LSAMP: variants seen among roughly 807,000 people sequenced by gnomAD.
LSAMP encodes limbic system-associated membrane protein.
A neutral mutation model predicts 38.6 loss-of-function variants in LSAMP; 7 were observed. That is an observed-to-expected ratio of 0.18 (90% confidence interval 0.10 to 0.34). LSAMP has a LOEUF of 0.34. LSAMP is among the 10% of genes least tolerant of loss of function. LSAMP has a pLI of 1.00. For missense variants in LSAMP, 313 were observed against 420.0 expected, an observed-to-expected ratio of 0.75 and a Z score of 2.23; for synonymous variants, 154 against 166.8, an observed-to-expected ratio of 0.92 and a Z score of 0.59.
chr3:116,396,870 G>C (rs1162055931), intron 1 of LSAMP, among the ~76,000 whole-genome samples: 1 of 152,126 alleles, frequency 6.6e-6, no homozygotes, highest in East Asian at 1.9e-4. Flanking sequence ...AAATACCTTG[G>C]ATTCATCTTT....
At chr3:115,964,497 A>T (rs1467671935) in intron 3 of LSAMP, among the ~76,000 whole-genome samples, 2 of 152,190 alleles carry the variant, frequency 1.3e-5, no homozygotes, top group Non-Finnish European at 2.9e-5. Context: ...ATGGTTCAAG[A>T]ATGCCCTCTA....
chr3:116,108,851 G>A (rs1708531683), intron 1 of LSAMP, among the ~76,000 whole-genome samples: 1 of 152,188 alleles, frequency 6.6e-6, no homozygotes, highest in Non-Finnish European at 1.5e-5. Flanking sequence ...GTTCTTGTGT[G>A]CTGGAGATGT....
chr3:116,372,636 T>C (rs1207479956), intron 1 of LSAMP, among the ~76,000 whole-genome samples: 2 of 151,696 alleles, frequency 1.3e-5, no homozygotes, highest in Non-Finnish European at 2.9e-5. Context: ...ATACACAGAA[T>C]GTTAGAAAAT....
intron 1 of LSAMP, among the ~76,000 whole-genome samples, chr3:116,388,885 GCAACAAAAA>G (rs1344385613): frequency 5.3e-5 from 8 of 151,252 alleles, no homozygotes; most frequent in African/African-American, 1.2e-4. Flanking sequence ...CAAACAAAAA[GCAACAAAAA>G]CAACAAAAAC....
chr3:115,820,632 T>C (rs1934200392), intron 6 of LSAMP, among the ~76,000 whole-genome samples: 1 of 152,252 alleles, frequency 6.6e-6, no homozygotes, highest in South Asian at 2.1e-4. Flanking sequence ...ACCTCTCTTA[T>C]TGGCATAGAC....
intron 1 of LSAMP, among the ~76,000 whole-genome samples, chr3:116,250,780 GAT>G (rs1301895751): frequency 6.6e-6 from 1 of 152,160 alleles, no homozygotes; most frequent in Non-Finnish European, 1.5e-5. Context: ...TGAGGTAGGG[GAT>G]CACTTGGGCC....
intron 1 of LSAMP, among the ~76,000 whole-genome samples, chr3:116,271,329 T>C (rs568622158): frequency 6.6e-6 from 1 of 152,234 alleles, no homozygotes; most frequent in Admixed American, 6.5e-5. Context: ...CAGCTTCTCT[T>C]GTAGACTAAC....
chr3:115,928,447 G>A (rs1367419738), intron 3 of LSAMP, among the ~76,000 whole-genome samples: 2 of 152,110 alleles, frequency 1.3e-5, no homozygotes, highest in Non-Finnish European at 2.9e-5. Flanking sequence ...CTCAAAGACT[G>A]TGGGTTATAA....
Position 116,087,139 on chromosome 3 carries a change from C to T in LSAMP, c.156-583G>A, listed in dbSNP as rs150787668. On this transcript the variant is annotated intron_variant, in intron 1 of 6. Transcript: ENST00000490035. ...AGGTGTTATGACAAGGAAATCAAAGCAAACATCATCTGGCATAAGTTTGGT... is the reference window on the plus strand; with the variant it reads ...AGGTGTTATGACAAGGAAATCAAAGTAAACATCATCTGGCATAAGTTTGGT... Among the ~76,000 whole-genome samples, 455 of 152,258 alleles carry T rather than the reference C, an allele frequency of 3.0e-3. 1 individual carries two copies. The highest frequency in any genetic ancestry group is 0.01 in the Middle Eastern group (3 of 294).
chr3:116,207,974 T>C (rs2046094189), intron 1 of LSAMP, among the ~76,000 whole-genome samples: 1 of 149,010 alleles, frequency 6.7e-6, no homozygotes, highest in Admixed American at 6.7e-5. Flanking sequence ...GAAGTTCTCC[T>C]GGATAATATC....
chr3:116,174,084 A>G (rs1406874068), intron 1 of LSAMP, among the ~76,000 whole-genome samples: 2 of 152,018 alleles, frequency 1.3e-5, no homozygotes, highest in Non-Finnish European at 2.9e-5. Flanking sequence ...ATTTATTTCC[A>G]AAGGCTGTTT....
At position 115,808,857 on chromosome 3, in the gene LSAMP, G is replaced by A. The variant is rs1386197849; in HGVS notation, c.*1460C>T. 1 of 152,198 alleles carries A rather than the reference G, an allele frequency of 6.6e-6. No individual in the cohort carries two copies. Among genetic ancestry groups the A allele is most frequent in the Non-Finnish European group, 1.5e-5 (1 of 68,030 alleles). The allele number at this position is 152,198 out of a possible 1,614,324, so 9.4% of individuals were successfully genotyped here. A position where few individuals can be genotyped will look rare whatever the true frequency, so the allele number is the denominator to read the frequency against. ...CTGACAGTATCTCCAGAATACAGTA[G>A]GAGCCTGGGCATCTGTTGACTTTTT... On this transcript the variant is annotated 3_prime_UTR_variant, in exon 7 of 7. Transcript: ENST00000490035.
chr3:116,375,912 A>G (rs1235694877), intron 1 of LSAMP, among the ~76,000 whole-genome samples: 2 of 152,004 alleles, frequency 1.3e-5, no homozygotes, highest in Non-Finnish European at 2.9e-5. Flanking sequence ...TGTAAACTGT[A>G]CATCATTTAT....
intron 3 of LSAMP, among the ~76,000 whole-genome samples, chr3:115,891,154 C>A (rs1228824094): frequency 6.6e-6 from 1 of 151,876 alleles, no homozygotes; most frequent in Non-Finnish European, 1.5e-5. Context: ...TACTGGATAC[C>A]TCATTGTTGT....
intron 2 of LSAMP, among the ~76,000 whole-genome samples, chr3:116,022,281 C>A (rs750573028): frequency 1.3e-5 from 2 of 151,508 alleles, no homozygotes; most frequent in Admixed American, 6.6e-5. Context: ...TTCAGGAGAT[C>A]CTGAGAACAT....
intron 3 of LSAMP, among the ~76,000 whole-genome samples, chr3:115,882,265 A>T (rs370822897): frequency 1.3e-5 from 2 of 152,108 alleles, no homozygotes; most frequent in African/African-American, 4.8e-5. Flanking sequence ...AATCTGACCT[A>T]AGACAACTAC....
At chr3:115,860,911 G>A (rs1406503260) in intron 3 of LSAMP, among the ~76,000 whole-genome samples, 3 of 152,170 alleles carry the variant, frequency 2.0e-5, no homozygotes, top group Non-Finnish European at 4.4e-5. Context: ...CATGCACTGG[G>A]ATGTGACGGG....
At chr3:115,885,896 C>T (rs933524465) in intron 3 of LSAMP, among the ~76,000 whole-genome samples, 10 of 151,916 alleles carry the variant, frequency 6.6e-5, no homozygotes, top group Admixed American at 5.9e-4. Context: ...TACTTGACCT[C>T]TTAAAGCACT....
intron 1 of LSAMP, among the ~76,000 whole-genome samples, chr3:116,272,203 C>T (rs1440378802): frequency 6.6e-6 from 1 of 152,060 alleles, no homozygotes; most frequent in East Asian, 1.9e-4. Context: ...GCGAATAACA[C>T]TTCTGCCCAG....
Sources: gnomAD v4.1 joint callset for allele counts (sites outside exome capture counted in the v4.1 genomes callset) on GRCh38, gnomAD v4.1.1 for gene constraint, MANE v1.5 for transcripts, NCBI Gene and HGNC (gene_info 2026-07-23, HGNC 2026-07-21) for gene names.